The following MEOX2 variants were observed in gnomAD, a reference collection of about 807,000 sequenced individuals.
MEOX2 encodes the protein mesenchyme homeobox 2.
In MEOX2, 11 loss-of-function variants were observed where a neutral mutation model predicts 27.0. The observed-to-expected ratio is 0.41, with a 90% CI of 0.26 to 0.68. The LOEUF (loss-of-function observed/expected upper bound fraction) is 0.68, where lower values mean the gene tolerates loss of function less well. MEOX2 is among the 30% of genes least tolerant of loss of function. MEOX2 has a pLI of 0.33. For synonymous variants in MEOX2, 189 were observed against 155.4 expected (o/e 1.22, Z -1.61); for missense variants, 436 against 385.4 (o/e 1.13, Z -1.10).
At chr7:15,625,749 G>C (rs1781292746) in intron 2 of MEOX2, among the ~76,000 whole-genome samples, 1 of 152,100 alleles carries the variant, frequency 6.6e-6, no homozygotes, top group South Asian at 2.1e-4. Context: ...CTGTTAACCG[G>C]CAGTAGGCTA....
chr7:15,630,209 A>C (rs1781380350), intron 1 of MEOX2, among the ~76,000 whole-genome samples: 1 of 152,062 alleles, frequency 6.6e-6, no homozygotes, highest in Non-Finnish European at 1.5e-5. Context: ...CCAGTTCCCT[A>C]ACCTTTTGCT....
intron 2 of MEOX2, among the ~76,000 whole-genome samples, chr7:15,621,515 T>C (rs76635640): frequency 6.6e-6 from 1 of 152,298 alleles, no homozygotes; most frequent in East Asian, 1.9e-4. Context: ...CCATGACTAT[T>C]CTTCAGAATG....
At chr7:15,643,997 G>T (rs1395015392) in intron 1 of MEOX2, among the ~76,000 whole-genome samples, 1 of 152,160 alleles carries the variant, frequency 6.6e-6, no homozygotes, top group Non-Finnish European at 1.5e-5. Flanking sequence ...AGGCAGTCTT[G>T]GTTGCAGGGG....
intron 2 of MEOX2, among the ~76,000 whole-genome samples, chr7:15,622,779 T>C (rs1367674335): frequency 6.6e-6 from 1 of 152,146 alleles, no homozygotes; most frequent in Non-Finnish European, 1.5e-5. Flanking sequence ...TCCAAATTCT[T>C]ATGTTAAAAT....
chr7:15,626,724 T>C, intron 2 of MEOX2, 22 bp downstream of exon 2: 3 of 1,580,196 alleles, frequency 1.9e-6, no homozygotes, highest in Non-Finnish European at 2.6e-6. Flanking sequence ...AAAGATCATA[T>C]AATGATAATG....
Position 15,682,842 on chromosome 7 carries a change from C to T in MEOX2, c.517+3044G>A, listed in dbSNP as rs187276412. On this transcript the variant is annotated intron_variant, in intron 1 of 2. Transcript: ENST00000262041. ...TGATTTTTAAGAGTCCCTTTGAAGA[C>T]GTGGCAGATGTTGGCTTTGCTAATA... is the stretch of plus-strand genomic sequence containing the variant. 3.0e-3 allele frequency among the ~76,000 whole-genome samples: 450 copies of T among 151,910 alleles called. 5 individuals carry two copies. Among genetic ancestry groups the T allele is most frequent in the African/African-American group, 0.01 (432 of 41,512 alleles).
intron 2 of MEOX2, among the ~76,000 whole-genome samples, chr7:15,618,814 T>G (rs1186406188): frequency 6.6e-6 from 1 of 151,878 alleles, no homozygotes; most frequent in Non-Finnish European, 1.5e-5. Context: ...CCAAGTTTAT[T>G]ATATAAACTT....
At chr7:15,638,372 G>A (rs535952316) in intron 1 of MEOX2, among the ~76,000 whole-genome samples, 7 of 152,172 alleles carry the variant, frequency 4.6e-5, no homozygotes, top group South Asian at 2.1e-4. Context: ...GTTTGTATGT[G>A]CATGGGCATA....
At chr7:15,660,732 G>T (rs1191887761) in intron 1 of MEOX2, among the ~76,000 whole-genome samples, 1 of 152,076 alleles carries the variant, frequency 6.6e-6, no homozygotes, top group East Asian at 1.9e-4. Context: ...CTTTAAAAAT[G>T]AGAAAGGAGC....
At chr7:15,681,991 C>T (rs532008785) in intron 1 of MEOX2, 1 of 151,810 alleles carries the variant, frequency 6.6e-6, no homozygotes, top group East Asian at 1.9e-4. Context: ...GGAATTGTTG[C>T]TTTTAACTTG....
chr7:15,671,615 C>G (rs1337934451), intron 1 of MEOX2, among the ~76,000 whole-genome samples: 1 of 152,138 alleles, frequency 6.6e-6, no homozygotes, highest in African/African-American at 2.4e-5. Flanking sequence ...TTATCAGTGT[C>G]TCATAACTAC....
chr7:15,645,309 T>G (rs988047736), intron 1 of MEOX2, among the ~76,000 whole-genome samples: 1 of 152,206 alleles, frequency 6.6e-6, no homozygotes, highest in Non-Finnish European at 1.5e-5. Flanking sequence ...ACAAAAGATT[T>G]CTTTTTAATC....
intron 1 of MEOX2, among the ~76,000 whole-genome samples, chr7:15,627,888 A>G (rs1781341375): frequency 6.6e-6 from 1 of 151,672 alleles, no homozygotes; most frequent in Non-Finnish European, 1.5e-5. Context: ...CCTCAGTGAA[A>G]TATCAACATA....
rs915605743 is a variant in MEOX2 at position 15,634,455 on chromosome 7, T to C, written c.518-7537A>G. 5.9e-5 allele frequency among the ~76,000 whole-genome samples: 9 copies of C among 151,996 alleles called. 1 individual carries two copies. The highest frequency in any genetic ancestry group is 9.7e-5 in the African/African-American group (4 of 41,428). ...ACAAACAATAAATAAAGTTTTAGTA[T>C]GTTACAAATATTACACAAAGCATAC... On this transcript the variant is annotated intron_variant, in intron 1 of 2. Transcript: ENST00000262041.
At position 15,685,873 on chromosome 7, in the gene MEOX2, G is replaced by T; in HGVS notation, c.517+13C>A. 1.9e-6 allele frequency: 3 copies of T among 1,574,256 alleles called. No individual in the cohort carries two copies. In the East Asian group the frequency reaches 6.7e-5, roughly 35 times the overall value. On this transcript the variant is annotated intron_variant, in intron 1 of 2. Coordinates refer to ENST00000262041, the MANE Select transcript of MEOX2 (RefSeq NM_005924.5). ...CCGGCGCGCACTCTCGAGGGTGCCT[G>T]GCGCGCCCTTACCTGAGCTGTCGCT... is the stretch of plus-strand genomic sequence containing the variant.
chr7:15,645,047 C>G (rs1463367580), intron 1 of MEOX2, among the ~76,000 whole-genome samples: 1 of 152,060 alleles, frequency 6.6e-6, no homozygotes, highest in East Asian at 1.9e-4. Flanking sequence ...TTAGTGATAA[C>G]CTAATAAAGA....
At chr7:15,648,375 T>A (rs10270030) in intron 1 of MEOX2, among the ~76,000 whole-genome samples, 1 of 151,890 alleles carries the variant, frequency 6.6e-6, no homozygotes, top group Non-Finnish European at 1.5e-5. Context: ...AAAAATAATT[T>A]TATGCCGGTG....
intron 1 of MEOX2, among the ~76,000 whole-genome samples, chr7:15,637,029 C>T (rs1263903287): frequency 4.6e-5 from 7 of 152,000 alleles, no homozygotes; most frequent in Non-Finnish European, 8.8e-5. Context: ...CACATTCAGA[C>T]CATAGAATTA....
intron 2 of MEOX2, among the ~76,000 whole-genome samples, chr7:15,620,643 T>A (rs1781208124): frequency 6.6e-6 from 1 of 152,142 alleles, no homozygotes. Flanking sequence ...ACAAAATATT[T>A]CTCTTTAGTA....
Sources: allele counts gnomAD v4.1 joint callset (sites outside exome capture counted in the v4.1 genomes callset), GRCh38; gene constraint gnomAD v4.1.1; transcripts MANE v1.5; gene names NCBI Gene and HGNC (gene_info 2026-07-23, HGNC 2026-07-21).